Variants in ZIM2 observed in about 807,000 individuals in gnomAD.
ZIM2 encodes the protein zinc finger imprinted 2.
Under a neutral mutation model 38.6 loss-of-function variants are expected in ZIM2, and 14 were observed. The observed-to-expected ratio is 0.36, with a 90% confidence interval of 0.24 to 0.57. The LOEUF is 0.57. Among genes scored for constraint, ZIM2 ranks in the 20% least tolerant of loss-of-function variants. The pLI is 0.81. For missense variants in ZIM2, 680 were observed against 695.1 expected, an observed-to-expected ratio of 0.98 and a Z score of 0.24; for synonymous variants, 247 against 245.8, an observed-to-expected ratio of 1.00 and a Z score of -0.04.
Position 56,781,951 on chromosome 19 carries a change from AC to A in ZIM2, c.739+1del. ...CAAGTCCTGTGGAGAAGGCATACTT[AC>A]CCAGGGAGACCAGGTTCCGGTAATT... On this transcript the variant is annotated splice_donor_variant, in intron 11 of 12. Coordinates refer to ENST00000629319, the MANE Select transcript of ZIM2 (RefSeq NM_001387356.1). LOFTEE classifies it high-confidence loss of function. 2 of 1,613,352 alleles carry A rather than the reference AC, an allele frequency of 1.2e-6. No homozygotes were observed. The highest frequency in any genetic ancestry group is 1.7e-6 in the Non-Finnish European group (2 of 1,179,526).
rs2045911937 is a variant in ZIM2, at chr19:56,774,578, T to C, written c.*110A>G. On this transcript the variant is annotated 3_prime_UTR_variant, in exon 13 of 13. Coordinates refer to ENST00000629319, the MANE Select transcript of ZIM2 (RefSeq NM_001387356.1). Reference sequence around the variant, plus strand: ...TTTTTTTTTACCACACTTTGATGAATGTTCAAGTTGTTAACAAGGTGGGGC... The same window carrying C: ...TTTTTTTTTACCACACTTTGATGAACGTTCAAGTTGTTAACAAGGTGGGGC... The C allele has an allele frequency of 1.4e-6, 2 of 1,435,002 alleles. No individual in the cohort carries two copies. The highest frequency in any genetic ancestry group is 1.9e-6 in the Non-Finnish European group (2 of 1,076,374). 88.9% of individuals were successfully genotyped at this position (1,435,002 alleles called of 1,614,324 possible).
chr19:56,826,057 T>C (rs575530981), intron 3 of ZIM2, among the ~76,000 whole-genome samples: 2 of 152,330 alleles, frequency 1.3e-5, no homozygotes, highest in East Asian at 3.9e-4. Context: ...CCTTAGCGAC[T>C]GGACTATTTC....
At chr19:56,824,113 C>A in intron 4 of ZIM2, 149 bp downstream of exon 4, 2 of 1,345,334 alleles carry the variant, frequency 1.5e-6, no homozygotes, top group Non-Finnish European at 1.0e-6. Context: ...CATGATGCAG[C>A]TCAATATCCC....
At position 56,837,969 on chromosome 19, in the gene ZIM2, T is replaced by G. The variant is rs117627231; in HGVS notation, c.-313-1865A>C. Among the ~76,000 whole-genome samples the G allele has an allele frequency of 9.1e-3, 1,392 of 152,270 alleles. 13 individuals carry two copies. Among genetic ancestry groups the G allele is most frequent in the Middle Eastern group, 0.024 (7 of 292 alleles). On this transcript the variant is annotated intron_variant, in intron 1 of 12. Coordinates refer to ENST00000629319, the MANE Select transcript of ZIM2 (RefSeq NM_001387356.1). ...GCTGCTCTATCAGACAAGACACACA[T>G]GCTATGGCCCCCCTCAGTCACTCAA...
intron 2 of ZIM2, chr19:56,833,019 A>C (rs2061723560): frequency 2.7e-6 from 1 of 369,450 alleles, no homozygotes; most frequent in East Asian, 7.5e-5. Flanking sequence ...GCCAGAAGTC[A>C]GGGAAGATCC....
Position 56,824,419 on chromosome 19 carries a change from G to T in ZIM2, c.-142C>A. The T allele has an allele frequency of 6.2e-7, 1 of 1,614,148 alleles. No homozygotes were observed. Among genetic ancestry groups the T allele is most frequent in the Middle Eastern group, 1.7e-4 (1 of 6,060 alleles). ...GCTCGATGATCTCCTCCTTGGTGCG[G>T]GTCTCCGGCTGCAACCAATCGAGGC... On this transcript the variant is annotated 5_prime_UTR_variant, in exon 4 of 13. Transcript: ENST00000629319.
intron 9 of ZIM2, chr19:56,810,907 T>A (rs1215809911): frequency 2.1e-6 from 2 of 962,798 alleles, no homozygotes; most frequent in African/African-American, 3.5e-5. Context: ...CATAATACAC[T>A]GTTATCAGGA....
intron 2 of ZIM2, among the ~76,000 whole-genome samples, chr19:56,828,307 C>T (rs929306072): frequency 6.6e-6 from 1 of 152,202 alleles, no homozygotes; most frequent in Non-Finnish European, 1.5e-5. Flanking sequence ...CCAATAAATA[C>T]TTATGATATT....
chr19:56,776,214 G>C (rs1234587111), intron 12 of ZIM2, among the ~76,000 whole-genome samples: 3 of 151,964 alleles, frequency 2.0e-5, no homozygotes, highest in Admixed American at 6.6e-5. Context: ...CAATTGTACA[G>C]AGTAGAATGA....
intron 9 of ZIM2, among the ~76,000 whole-genome samples, chr19:56,793,500 C>T (rs1315933600): frequency 6.6e-6 from 1 of 152,130 alleles, no homozygotes; most frequent in African/African-American, 2.4e-5. Context: ...AAATTACATA[C>T]AGACTTACAA....
At chr19:56,776,100 C>CAAA (rs56776253) in intron 12 of ZIM2, among the ~76,000 whole-genome samples, 97 of 106,718 alleles carry the variant, frequency 9.1e-4, no homozygotes, top group African/African-American at 3.4e-3. Context: ...GACTCTGTCT[C>CAAA]AAAAAAAAAA....
At chr19:56,779,517 A>G in intron 11 of ZIM2, 45 bp from the exon 12 acceptor site, 1 of 1,578,394 alleles carries the variant, frequency 6.3e-7, no homozygotes, top group East Asian at 2.2e-5. Context: ...AGTAACTCCC[A>G]ACCTTAGGTC....
chr19:56,826,287 ACT>A (rs949062687), intron 3 of ZIM2, 99 bp downstream of exon 3: 3 of 152,086 alleles, frequency 2.0e-5, no homozygotes, highest in African/African-American at 4.8e-5. Flanking sequence ...AGACGGCCCA[ACT>A]CTGTTATGTG....
At chr19:56,811,469 T>C (rs2059536171) in intron 9 of ZIM2, 28 of 970,018 alleles carry the variant, frequency 2.9e-5, no homozygotes, top group Non-Finnish European at 3.4e-5. Context: ...TTTTAAACAG[T>C]TGCATTAAGT....
In ZIM2 at chr19:56,812,095, C is replaced by A. The variant is rs1004772142; in HGVS notation, c.490+5651G>T. The A allele has an allele frequency of 5.1e-6, 5 of 978,010 alleles. No homozygotes were observed. In the African/African-American group the frequency reaches 8.8e-5, roughly 17 times the overall value. 60.6% of individuals were successfully genotyped at this position (978,010 alleles called of 1,614,324 possible). On this transcript the variant is annotated intron_variant, in intron 9 of 12. Transcript: ENST00000629319. ...TAATTTTGCTTGTTCAAATGATCTA[C>A]ACTTACATTTTGCAAATCTTTTTTT...
At position 56,774,834 on chromosome 19, in the gene ZIM2, A is replaced by G. The variant is rs779068789; in HGVS notation, c.1531T>C (p.Tyr511His). 1 of 1,614,066 alleles carries G rather than the reference A, an allele frequency of 6.2e-7. No homozygotes were observed. The highest frequency in any genetic ancestry group is 1.3e-5 in the African/African-American group (1 of 74,908). ...DCGRVFSRNS[Y>H]LIQHYRTHTQ... ...TGAGTTCTATAATGCTGAATGAGAT[A>G]TGAATTCCGACTGAAGACTCTGCCA... Residue 511 changes from tyrosine to histidine, a missense_variant, in exon 13 of 13, where the codon TAT (tyrosine) becomes CAT (histidine). By Grantham distance (83) the Tyr-to-His change is moderately conservative (BLOSUM62 2). Coordinates refer to ENST00000629319, the MANE Select transcript of ZIM2 (RefSeq NM_001387356.1).
intron 9 of ZIM2, among the ~76,000 whole-genome samples, chr19:56,790,406 G>A (rs1295759696): frequency 6.6e-6 from 1 of 152,144 alleles, no homozygotes; most frequent in Non-Finnish European, 1.5e-5. Context: ...TAATTCATAT[G>A]TTATAAATTG....
chr19:56,797,101 CAA>C (rs1251754643), intron 9 of ZIM2, among the ~76,000 whole-genome samples: 1 of 152,080 alleles, frequency 6.6e-6, no homozygotes, highest in East Asian at 1.9e-4. Flanking sequence ...GACCTGAGGT[CAA>C]GAGTTTGAGA....
At chr19:56,833,604 A>C (rs947858468) in intron 2 of ZIM2, 1 of 184,814 alleles carries the variant, frequency 5.4e-6, no homozygotes, top group African/African-American at 2.4e-5. Context: ...TCAGATGTGC[A>C]GAAGAGTTGC....
Sources: gnomAD v4.1 joint callset for allele counts (sites outside exome capture counted in the v4.1 genomes callset) on GRCh38, gnomAD v4.1.1 for gene constraint, MANE v1.5 for transcripts, NCBI Gene and HGNC (gene_info 2026-07-23, HGNC 2026-07-21) for gene names.